The following HDAC9 variants were observed in gnomAD, a reference collection of about 807,000 sequenced individuals.
HDAC9 encodes the protein histone deacetylase 9, also known as MEF-2 interacting transcription repressor (MITR) protein.
HDAC9 carries 41 observed loss-of-function variants against 139.4 expected under a neutral mutation model. The observed-to-expected ratio is 0.29, with a 90% CI of 0.23 to 0.38. The LOEUF is 0.38. Ranked by LOEUF, HDAC9 falls within the 10% of genes least tolerant of loss-of-function variation. The pLI is 1.00. For missense variants in HDAC9, 1,147 were observed against 1,297.0 expected, an observed-to-expected ratio of 0.88 and a Z score of 1.78; for synonymous variants, 517 against 476.2, an observed-to-expected ratio of 1.09 and a Z score of -1.12.
At chr7:18,266,265 AG>A (rs1795992212) in intron 2 of HDAC9, among the ~76,000 whole-genome samples, 1 of 152,192 alleles carries the variant, frequency 6.6e-6, no homozygotes, top group South Asian at 2.1e-4. Flanking sequence ...AAAAATTTAA[AG>A]TTTTCCTTGA....
Position 18,590,394 on chromosome 7 carries a change from A to G in HDAC9, c.323A>G (p.Lys108Arg). ...QQQELLEKEQ[K>R]LEQQRQEQEV... Reference sequence around the variant, plus strand: ...CAAGAACTCCTAGAAAAGGAGCAGAAACTGGAGCAGCAGAGGCAAGAACAG... The same window carrying G: ...CAAGAACTCCTAGAAAAGGAGCAGAGACTGGAGCAGCAGAGGCAAGAACAG... Residue 108 changes from lysine to arginine, a missense_variant, in exon 4 of 26, where the codon AAA becomes AGA. Lys to Arg is a conservative substitution (Grantham distance 26). Transcript: ENST00000686413. 6.2e-7 allele frequency: 1 copy of G among 1,611,308 alleles called. No individual in the cohort carries two copies.
chr7:18,159,059 G>C (rs1181231353), intron 1 of HDAC9, among the ~76,000 whole-genome samples: 1 of 152,146 alleles, frequency 6.6e-6, no homozygotes, highest in Non-Finnish European at 1.5e-5. Flanking sequence ...AACCATTCCT[G>C]GATCTTAAGA....
intron 22 of HDAC9, among the ~76,000 whole-genome samples, chr7:18,911,285 A>C (rs1802716617): frequency 6.6e-6 from 1 of 151,366 alleles, no homozygotes; most frequent in East Asian, 1.9e-4. Flanking sequence ...AGTTGGTGTC[A>C]GTTGTAATGT....
At chr7:18,293,615 C>CT (rs1797960297) in intron 1 of HDAC9, among the ~76,000 whole-genome samples, 1 of 152,030 alleles carries the variant, frequency 6.6e-6, no homozygotes, top group Non-Finnish European at 1.5e-5. Context: ...CTTTTTGTCT[C>CT]TAATGTCTTC....
At chr7:18,591,043 A>G (rs1830797652) in intron 4 of HDAC9, among the ~76,000 whole-genome samples, 1 of 152,170 alleles carries the variant, frequency 6.6e-6, no homozygotes, top group Admixed American at 6.5e-5. Flanking sequence ...ATTGTCAGCA[A>G]TATTTATTTG....
chr7:18,309,730 C>T (rs971165074), intron 1 of HDAC9, among the ~76,000 whole-genome samples: 4 of 151,730 alleles, frequency 2.6e-5, no homozygotes, highest in African/African-American at 9.7e-5. Flanking sequence ...CTTCTCATGC[C>T]GTGATGAGAT....
intron 12 of HDAC9, among the ~76,000 whole-genome samples, chr7:18,718,256 G>C (rs895588639): frequency 2.6e-5 from 4 of 152,054 alleles, no homozygotes; most frequent in Non-Finnish European, 5.9e-5. Context: ...TTTTGAGATG[G>C]AGTCGCGCTC....
chr7:18,836,065 A>G, intron 21 of HDAC9, 68 bp downstream of exon 21: 1 of 801,880 alleles, frequency 1.2e-6, no homozygotes, highest in Non-Finnish European at 2.0e-6. Flanking sequence ...AACACCAAAT[A>G]TGGAAGAGAA....
intron 12 of HDAC9, among the ~76,000 whole-genome samples, chr7:18,699,834 T>A (rs958134309): frequency 1.3e-5 from 2 of 152,136 alleles, no homozygotes; most frequent in Non-Finnish European, 2.9e-5. Flanking sequence ...CCATAAAATC[T>A]TTTACTATTT....
chr7:18,516,787 G>C (rs977166366), intron 2 of HDAC9, among the ~76,000 whole-genome samples: 4 of 150,802 alleles, frequency 2.7e-5, no homozygotes, highest in African/African-American at 9.8e-5. Context: ...CTTGAACCCA[G>C]GAGGCAGAGG....
intron 17 of HDAC9, among the ~76,000 whole-genome samples, chr7:18,828,919 T>A (rs1435818275): frequency 6.6e-6 from 1 of 152,204 alleles, no homozygotes; most frequent in Non-Finnish European, 1.5e-5. Flanking sequence ...CCTCCCCAAA[T>A]CCTGCCCTTC....
chr7:18,994,566 T>C (rs1393960416), intron 25 of HDAC9, among the ~76,000 whole-genome samples: 2 of 152,200 alleles, frequency 1.3e-5, no homozygotes, highest in African/African-American at 2.4e-5. Flanking sequence ...AGAATTTTCT[T>C]TTTTGGTAAC....
At chr7:18,964,516 G>A (rs893520996) in intron 24 of HDAC9, among the ~76,000 whole-genome samples, 1 of 152,096 alleles carries the variant, frequency 6.6e-6, no homozygotes, top group Admixed American at 6.6e-5. Flanking sequence ...CAGAATGCTT[G>A]GTAGGTAATA....
At chr7:18,478,527 T>A (rs569917079) in intron 1 of HDAC9, among the ~76,000 whole-genome samples, 1 of 152,344 alleles carries the variant, frequency 6.6e-6, no homozygotes, top group Admixed American at 6.5e-5. Flanking sequence ...TTTCTCACTG[T>A]TGATAACAGA....
chr7:18,324,653 G>A (rs191446091), intron 1 of HDAC9, among the ~76,000 whole-genome samples: 125 of 152,224 alleles, frequency 8.2e-4, no homozygotes, highest in Admixed American at 1.8e-3. Flanking sequence ...GCCCATTGCG[G>A]AACTACTGAA....
chr7:18,652,103 G>A (rs1789465120), intron 11 of HDAC9, among the ~76,000 whole-genome samples: 1 of 152,040 alleles, frequency 6.6e-6, no homozygotes, highest in South Asian at 2.1e-4. Context: ...AGGTTCTATT[G>A]CTAATATATG....
chr7:18,552,206 A>C (rs1450547693), intron 2 of HDAC9, among the ~76,000 whole-genome samples: 3 of 152,170 alleles, frequency 2.0e-5, no homozygotes, highest in Admixed American at 2.0e-4. Flanking sequence ...CATTAGGTTT[A>C]TGTAGGTTTA....
intron 10 of HDAC9, 70 bp from the exon 11 acceptor site, chr7:18,648,396 T>TTGTG (rs1323588548): frequency 6.6e-5 from 80 of 1,206,774 alleles, no homozygotes; most frequent in East Asian, 4.1e-4. Flanking sequence ...TTTCTTAAAA[T>TTGTG]TGTGTGTGTG....
At chr7:18,431,563 T>C (rs1296830720) in intron 1 of HDAC9, among the ~76,000 whole-genome samples, 1 of 152,220 alleles carries the variant, frequency 6.6e-6, no homozygotes, top group Non-Finnish European at 1.5e-5. Flanking sequence ...ATTCAAGGAA[T>C]AGCCAAATAA....
Sources: allele counts gnomAD v4.1 joint callset (sites outside exome capture counted in the v4.1 genomes callset), GRCh38; gene constraint gnomAD v4.1.1; transcripts MANE v1.5; gene names NCBI Gene and HGNC (gene_info 2026-07-23, HGNC 2026-07-21).